PDE4B: variants seen among roughly 807,000 people sequenced by gnomAD.
PDE4B encodes phosphodiesterase 4B.
Under a neutral mutation model 82.2 loss-of-function variants are expected in PDE4B, and 20 were observed. That is an observed-to-expected ratio of 0.24 (90% CI 0.17 to 0.35). PDE4B has a LOEUF of 0.35. Among genes scored for constraint, PDE4B ranks in the 10% least tolerant of loss-of-function variants. The pLI, the probability that PDE4B is intolerant of heterozygous loss-of-function variation, is 1.00. For synonymous variants in PDE4B, 320 were observed against 318.9 expected (o/e 1.00, Z -0.04); for missense variants, 655 against 907.2 (o/e 0.72, Z 3.57).
intron 3 of PDE4B, among the ~76,000 whole-genome samples, chr1:66,156,288 A>G (rs1167302671): frequency 4.6e-5 from 7 of 152,152 alleles, no homozygotes; most frequent in Admixed American, 3.9e-4. Flanking sequence ...TGTGGCTAAC[A>G]AAGCAACTCT....
rs745641295 is a variant in PDE4B, at chr1:66,372,894, G to A, written c.*216G>A. On this transcript the variant is annotated 3_prime_UTR_variant, in exon 17 of 17. Coordinates refer to ENST00000341517, the MANE Select transcript of PDE4B (RefSeq NM_002600.4). ...GCCTTGATGGCAAGCTTGGTGGAGA[G>A]GGCTGAAGCTGTTGCTGGGGGCCGA... 4.0e-5 allele frequency: 21 copies of A among 530,082 alleles called. No homozygotes were observed. The highest frequency in any genetic ancestry group is 2.7e-4 in the East Asian group (9 of 33,564). 32.8% of individuals were successfully genotyped at this position (530,082 alleles called of 1,614,324 possible). A position where few individuals can be genotyped will look rare whatever the true frequency, so the allele number is the denominator to read the frequency against.
intron 3 of PDE4B, among the ~76,000 whole-genome samples, chr1:66,003,285 G>A (rs1238069495): frequency 6.6e-6 from 1 of 151,886 alleles, no homozygotes; most frequent in African/African-American, 2.4e-5. Context: ...AGAAGACCCA[G>A]TGTGAATAGC....
At chr1:66,362,585 A>G (rs1662868243) in intron 10 of PDE4B, among the ~76,000 whole-genome samples, 1 of 152,192 alleles carries the variant, frequency 6.6e-6, no homozygotes, top group African/African-American at 2.4e-5. Flanking sequence ...CCTTGGAATA[A>G]TCTCACAACA....
chr1:65,800,580 T>A (rs1180304582), intron 1 of PDE4B, among the ~76,000 whole-genome samples: 1 of 152,246 alleles, frequency 6.6e-6, no homozygotes, highest in Non-Finnish European at 1.5e-5. Context: ...CAGCTTATGA[T>A]AATCTCTAAA....
intron 7 of PDE4B, among the ~76,000 whole-genome samples, chr1:66,276,223 G>A (rs956888812): frequency 4.6e-5 from 7 of 152,142 alleles, no homozygotes; most frequent in Non-Finnish European, 7.3e-5. Flanking sequence ...AATATATCAC[G>A]TCACCTAATT....
chr1:66,355,881 A>C (rs1255634771), intron 9 of PDE4B, among the ~76,000 whole-genome samples: 2 of 152,208 alleles, frequency 1.3e-5, no homozygotes, highest in Admixed American at 1.3e-4. Flanking sequence ...CCTCAGCCCC[A>C]CCTTGTCTGC....
chr1:66,255,449 A>T (rs1654140053), intron 4 of PDE4B, among the ~76,000 whole-genome samples: 1 of 152,222 alleles, frequency 6.6e-6, no homozygotes, highest in Non-Finnish European at 1.5e-5. Flanking sequence ...GACTGTCCAT[A>T]ATATGAGCGT....
At chr1:66,194,132 G>T (rs1648068400) in intron 3 of PDE4B, among the ~76,000 whole-genome samples, 1 of 151,764 alleles carries the variant, frequency 6.6e-6, no homozygotes, top group African/African-American at 2.4e-5. Context: ...GACTCCTTTT[G>T]CACAGGAAGA....
intron 7 of PDE4B, among the ~76,000 whole-genome samples, chr1:66,305,964 C>A (rs898706960): frequency 6.6e-6 from 1 of 152,178 alleles, no homozygotes; most frequent in South Asian, 2.1e-4. Flanking sequence ...GCAGCAGAGG[C>A]ACCCAATAGA....
intron 7 of PDE4B, among the ~76,000 whole-genome samples, chr1:66,293,715 A>G (rs1291951943): frequency 6.6e-6 from 1 of 152,200 alleles, no homozygotes; most frequent in African/African-American, 2.4e-5. Flanking sequence ...CTTCAGAAAA[A>G]TCTTTAGAAA....
At chr1:65,890,368 T>TC (rs1188503478) in intron 1 of PDE4B, among the ~76,000 whole-genome samples, 3 of 152,018 alleles carry the variant, frequency 2.0e-5, no homozygotes, top group African/African-American at 7.2e-5. Context: ...AACTGTTCTT[T>TC]CCCCTAGAAA....
intron 3 of PDE4B, among the ~76,000 whole-genome samples, chr1:66,170,347 G>A (rs1264450968): frequency 1.3e-5 from 2 of 152,270 alleles, no homozygotes; most frequent in Non-Finnish European, 2.9e-5. Flanking sequence ...TAGGAAAAAT[G>A]CATTGAGTAC....
intron 1 of PDE4B, among the ~76,000 whole-genome samples, chr1:65,838,204 A>G (rs1646163513): frequency 6.6e-6 from 1 of 152,096 alleles, no homozygotes; most frequent in Non-Finnish European, 1.5e-5. Flanking sequence ...TAGAGTCCGT[A>G]AGAACGGACA....
intron 3 of PDE4B, among the ~76,000 whole-genome samples, chr1:66,239,197 C>T (rs371065104): frequency 2.0e-5 from 3 of 152,132 alleles, no homozygotes; most frequent in South Asian, 4.1e-4. Flanking sequence ...GAGCATTTAA[C>T]GATCTCTTAT....
At chr1:65,985,994 A>G (rs1401363777) in intron 3 of PDE4B, among the ~76,000 whole-genome samples, 1 of 152,156 alleles carries the variant, frequency 6.6e-6, no homozygotes, top group Non-Finnish European at 1.5e-5. Context: ...AAAATGGTAA[A>G]CATAGATAAA....
intron 3 of PDE4B, among the ~76,000 whole-genome samples, chr1:66,134,855 T>C (rs1646023966): frequency 6.6e-6 from 1 of 152,052 alleles, no homozygotes; most frequent in African/African-American, 2.4e-5. Context: ...TAAAATGTAG[T>C]CACTTCTGTC....
chr1:66,269,660 CAT>C (rs1372107600), intron 7 of PDE4B, among the ~76,000 whole-genome samples: 1 of 152,232 alleles, frequency 6.6e-6, no homozygotes, highest in African/African-American at 2.4e-5. Context: ...CATGCATACA[CAT>C]GTGTGTGTGA....
At chr1:65,871,498 A>C (rs1379700296) in intron 1 of PDE4B, among the ~76,000 whole-genome samples, 1 of 152,242 alleles carries the variant, frequency 6.6e-6, no homozygotes, top group Non-Finnish European at 1.5e-5. Context: ...CTTATCTACA[A>C]AATGCAAATA....
At chr1:66,237,755 G>C (rs150099429) in intron 3 of PDE4B, among the ~76,000 whole-genome samples, 172 of 152,260 alleles carry the variant, frequency 1.1e-3, no homozygotes, top group African/African-American at 3.9e-3. Context: ...AAAACAAGTT[G>C]GGTCTGCTGT....
Sources: allele counts gnomAD v4.1 joint callset (sites outside exome capture counted in the v4.1 genomes callset), GRCh38; gene constraint gnomAD v4.1.1; transcripts MANE v1.5; gene names NCBI Gene and HGNC (gene_info 2026-07-23, HGNC 2026-07-21).